The following CDH12 variants were observed in gnomAD, a reference collection of about 807,000 sequenced individuals.
CDH12 encodes the protein cadherin-12.
Under a neutral mutation model 74.1 loss-of-function variants are expected in CDH12, and 41 were observed. The observed-to-expected ratio is 0.55, with a 90% CI of 0.43 to 0.72. The LOEUF is 0.72. CDH12 is among the 30% of genes least tolerant of loss of function. The pLI, the probability that CDH12 is intolerant of heterozygous loss-of-function variation, is 0.00. For missense variants in CDH12, 945 were observed against 977.2 expected (o/e 0.97, Z 0.44); for synonymous variants, 399 against 355.0 (o/e 1.12, Z -1.39).
chr5:22,686,265 A>G (rs1312354588), intron 1 of CDH12, among the ~76,000 whole-genome samples: 1 of 151,854 alleles, frequency 6.6e-6, no homozygotes, highest in Non-Finnish European at 1.5e-5. Context: ...ACTTCTTTTT[A>G]TATTCTAGAT....
chr5:22,278,218 C>T (rs967389128), intron 3 of CDH12, among the ~76,000 whole-genome samples: 59 of 152,256 alleles, frequency 3.9e-4, no homozygotes, highest in African/African-American at 1.4e-3. Flanking sequence ...CAAGTTGCTT[C>T]TTATTTAATT....
chr5:22,395,569 T>G (rs111649616), intron 3 of CDH12, among the ~76,000 whole-genome samples: 115 of 152,218 alleles, frequency 7.6e-4, no homozygotes, highest in African/African-American at 2.6e-3. Context: ...CTGAGAAGAT[T>G]TTTACAAAGT....
At position 22,443,913 on chromosome 5, in the gene CDH12, CAT is replaced by C. The variant is rs566831498; in HGVS notation, c.-427-38564_-427-38563del. Among the ~76,000 whole-genome samples the C allele has an allele frequency of 4.6e-5, 7 of 152,014 alleles. No homozygotes were observed. The South Asian group carries it at 1.2e-3, about 27-fold the overall frequency. ...ATTTACACATGCATATGTACTTGCACATGTGTTTGCATAATTTTAAAATGCAA... is the reference window on the plus strand; with the variant it reads ...ATTTACACATGCATATGTACTTGCACGTGTTTGCATAATTTTAAAATGCAA... On this transcript the variant is annotated intron_variant, in intron 2 of 14. Coordinates refer to ENST00000382254, the MANE Select transcript of CDH12 (RefSeq NM_004061.5).
intron 5 of CDH12, among the ~76,000 whole-genome samples, chr5:22,075,896 A>G (rs1240811035): frequency 6.6e-6 from 1 of 152,108 alleles, no homozygotes; most frequent in African/African-American, 2.4e-5. Context: ...TTCTATGAGT[A>G]ATCTCAAAGT....
intron 6 of CDH12, among the ~76,000 whole-genome samples, chr5:21,930,571 ACTGT>A (rs1754788882): frequency 6.6e-6 from 1 of 152,142 alleles, no homozygotes. Context: ...AATTTAGCGC[ACTGT>A]CTGACTCTTT....
chr5:22,396,891 A>G (rs1561372118), intron 3 of CDH12, among the ~76,000 whole-genome samples: 1 of 152,086 alleles, frequency 6.6e-6, no homozygotes, highest in South Asian at 2.1e-4. Context: ...AATATGCCCA[A>G]TAGCTTTTTT....
intron 6 of CDH12, among the ~76,000 whole-genome samples, chr5:21,893,433 T>C (rs568215142): frequency 2.6e-5 from 4 of 152,176 alleles, no homozygotes; most frequent in Non-Finnish European, 4.4e-5. Flanking sequence ...ATTGCAGACA[T>C]ATCTCTTTGT....
At chr5:21,764,371 C>CATA (rs1440959715) in intron 12 of CDH12, among the ~76,000 whole-genome samples, 1 of 136,962 alleles carries the variant, frequency 7.3e-6, no homozygotes, top group African/African-American at 2.7e-5. Context: ...GAGACTCTGT[C>CATA]TCAAAATAAA....
Position 22,261,446 on chromosome 5 carries a change from C to A in CDH12, c.-332-48803G>T, listed in dbSNP as rs187045030. On this transcript the variant is annotated intron_variant, in intron 3 of 14. Coordinates refer to ENST00000382254, the MANE Select transcript of CDH12 (RefSeq NM_004061.5). ...TACCTGTTCCTTAACAAAAGCATGA[C>A]CAGATCACAGATATTGCTACAGTTG... Among the ~76,000 whole-genome samples, 401 of 151,954 alleles carry A rather than the reference C, an allele frequency of 2.6e-3. 2 individuals carry two copies. Among genetic ancestry groups the A allele is most frequent in the Non-Finnish European group, 3.3e-3 (227 of 67,966 alleles).
intron 4 of CDH12, among the ~76,000 whole-genome samples, chr5:22,205,602 G>C (rs888007502): frequency 6.6e-6 from 1 of 152,058 alleles, no homozygotes; most frequent in African/African-American, 2.4e-5. Flanking sequence ...AGGGAGAAAA[G>C]TTTAAATAAA....
At chr5:22,667,624 C>A (rs925645611) in intron 1 of CDH12, among the ~76,000 whole-genome samples, 1 of 152,150 alleles carries the variant, frequency 6.6e-6, no homozygotes, top group Non-Finnish European at 1.5e-5. Context: ...TGATACTAAA[C>A]AATTAGGTGG....
At position 22,654,635 on chromosome 5, in the gene CDH12, T is replaced by G. The variant is rs538317752; in HGVS notation, c.-522-149271A>C. On this transcript the variant is annotated intron_variant, in intron 1 of 14. Transcript: ENST00000382254. ...TTTTTGTTTGTTTGCTTGTTTTTTT[T>G]TTGTTGTTGTTGTTGTTTTGAGACA... is the stretch of plus-strand genomic sequence containing the variant. 1.2e-3 allele frequency among the ~76,000 whole-genome samples: 176 copies of G among 150,756 alleles called. 2 individuals carry two copies. The highest frequency in any genetic ancestry group is 3.4e-3 in the South Asian group (16 of 4,758).
chr5:21,776,336 C>A (rs1441487636), intron 11 of CDH12, among the ~76,000 whole-genome samples: 1 of 152,084 alleles, frequency 6.6e-6, no homozygotes. Context: ...GGATTCCTAA[C>A]TCTCCTAACT....
intron 6 of CDH12, among the ~76,000 whole-genome samples, chr5:21,887,838 A>G (rs1752707709): frequency 6.6e-6 from 1 of 152,146 alleles, no homozygotes; most frequent in East Asian, 1.9e-4. Context: ...ATGAGGGCAC[A>G]ACAGCTAGGA....
chr5:22,516,053 C>T (rs1027056177), intron 1 of CDH12, among the ~76,000 whole-genome samples: 1 of 152,122 alleles, frequency 6.6e-6, no homozygotes, highest in East Asian at 1.9e-4. Context: ...ATGACTTAAA[C>T]CCCATTTAAT....
chr5:22,265,574 T>C (rs991593137), intron 3 of CDH12, among the ~76,000 whole-genome samples: 1 of 152,168 alleles, frequency 6.6e-6, no homozygotes, highest in African/African-American at 2.4e-5. Flanking sequence ...GTTTTAACAA[T>C]AATCAATATA....
chr5:22,503,931 A>C (rs1037121486), intron 2 of CDH12, among the ~76,000 whole-genome samples: 2 of 152,034 alleles, frequency 1.3e-5, no homozygotes, highest in Admixed American at 6.6e-5. Context: ...ATAATCATGG[A>C]TATTTAAGAA....
Position 22,206,262 on chromosome 5 carries a change from A to G in CDH12, c.-187+6236T>C, listed in dbSNP as rs569300917. Among the ~76,000 whole-genome samples the G allele has an allele frequency of 2.9e-4, 44 of 152,280 alleles. 1 individual carries two copies. The South Asian group carries it at 6.2e-3, about 22-fold the overall frequency. Reference sequence around the variant, plus strand: ...TCTGGCAGGTTGTCAGAAATGCAGAATCTTGAGCCACACTCTAAAACCTCT... The same window carrying G: ...TCTGGCAGGTTGTCAGAAATGCAGAGTCTTGAGCCACACTCTAAAACCTCT... On this transcript the variant is annotated intron_variant, in intron 4 of 14. Transcript: ENST00000382254.
At chr5:22,117,461 TATATATA>T (rs1324320341) in intron 4 of CDH12, among the ~76,000 whole-genome samples, 11 of 63,524 alleles carry the variant, frequency 1.7e-4, no homozygotes, top group African/African-American at 4.7e-4. Context: ...ATATATATTA[TATATATA>T]ATATATATAT....
Sources: allele counts gnomAD v4.1 joint callset (sites outside exome capture counted in the v4.1 genomes callset), GRCh38; gene constraint gnomAD v4.1.1; transcripts MANE v1.5; gene names NCBI Gene and HGNC (gene_info 2026-07-23, HGNC 2026-07-21).